Variants in ECE1 observed in about 807,000 individuals in gnomAD.
ECE1 encodes the protein endothelin converting enzyme 1.
ECE1 carries 35 observed loss-of-function variants against 98.6 expected under a neutral mutation model. The ratio of observed to expected loss-of-function variants is 0.35; its 90% CI spans 0.27 to 0.47. ECE1 has a LOEUF of 0.47. Among genes scored for constraint, ECE1 ranks in the 20% least tolerant of loss-of-function variants. The pLI is 1.00. For missense variants in ECE1, 814 were observed against 1,025.3 expected (o/e 0.79, Z 2.81); for synonymous variants, 394 against 407.1 (o/e 0.97, Z 0.39).
In ECE1 at chr1:21,327,196, G is replaced by C. The variant is rs1252785789; in HGVS notation, c.3+18180C>G. On this transcript the variant is annotated intron_variant, in intron 1 of 18. Coordinates refer to the ECE1 transcript ENST00000415912. This position sits in a 1 kb window ranked among gnomAD's most constrained non-coding sequence, Gnocchi z 4.6. ...GAGACTGGGAAGAGGGACTCTGCCAGAGCAGCTGCCAGGAATCTGGGGCCT... is the reference window on the plus strand; with the variant it reads ...GAGACTGGGAAGAGGGACTCTGCCACAGCAGCTGCCAGGAATCTGGGGCCT... Among the ~76,000 whole-genome samples the C allele has an allele frequency of 1.3e-5, 2 of 152,258 alleles. No individual in the cohort carries two copies. Among genetic ancestry groups the C allele is most frequent in the Non-Finnish European group, 2.9e-5 (2 of 68,046 alleles).
chr1:21,246,682 G>T (rs927352062), intron 9 of ECE1, among the ~76,000 whole-genome samples: 2 of 151,946 alleles, frequency 1.3e-5, no homozygotes, highest in Non-Finnish European at 2.9e-5. Flanking sequence ...TTTGAGACAG[G>T]GTTTTACTCT....
intron 2 of ECE1, among the ~76,000 whole-genome samples, chr1:21,287,584 C>A (rs1295481152): frequency 6.6e-6 from 1 of 152,142 alleles, no homozygotes; most frequent in Non-Finnish European, 1.5e-5. Flanking sequence ...TCGCTAGCAA[C>A]CGGCCCAAAG....
chr1:21,242,199 C>A (rs2098197330), intron 10 of ECE1, among the ~76,000 whole-genome samples: 1 of 152,158 alleles, frequency 6.6e-6, no homozygotes, highest in Non-Finnish European at 1.5e-5. Flanking sequence ...GGAGATTGAG[C>A]CCCTGCCCCA....
At chr1:21,245,247 G>A (rs933560558) in intron 9 of ECE1, 144 bp from the exon 10 acceptor site, 24 of 712,222 alleles carry the variant, frequency 3.4e-5, no homozygotes, top group Admixed American at 1.7e-4. Context: ...GTGGGTTACT[G>A]CTCCCTAAGC....
At position 21,322,902 on chromosome 1, in the gene ECE1, G is replaced by A. The variant is rs1038737087; in HGVS notation, c.3+22474C>T. Reference sequence around the variant, plus strand: ...GGTGAAAACCCCTCACTGGGGCTTTGGAGGGAGGGCAGGTCCCAGGGCTCA... The same window carrying A: ...GGTGAAAACCCCTCACTGGGGCTTTAGAGGGAGGGCAGGTCCCAGGGCTCA... On this transcript the variant is annotated intron_variant, in intron 1 of 18. Coordinates refer to the ECE1 transcript ENST00000415912. This position sits in a 1 kb window ranked among gnomAD's most constrained non-coding sequence, Gnocchi z 4.1. Among the ~76,000 whole-genome samples, 6 of 152,146 alleles carry A rather than the reference G, an allele frequency of 3.9e-5. No individual in the cohort carries two copies. Among genetic ancestry groups the A allele is most frequent in the African/African-American group, 1.4e-4 (6 of 41,422 alleles).
chr1:21,263,369 T>TA, intron 4 of ECE1, among the ~76,000 whole-genome samples: 1 of 151,606 alleles, frequency 6.6e-6, no homozygotes, highest in East Asian at 1.9e-4. Flanking sequence ...TTATTTTTTT[T>TA]TTTTTTGAGA....
At chr1:21,236,462 C>A (rs928687241) in intron 12 of ECE1, among the ~76,000 whole-genome samples, 1 of 152,242 alleles carries the variant, frequency 6.6e-6, no homozygotes, top group Admixed American at 6.5e-5. Context: ...CCAACCTGAC[C>A]CACATGGAGA....
chr1:21,304,448 C>T (rs1416478060), intron 1 of ECE1, among the ~76,000 whole-genome samples: 1 of 152,128 alleles, frequency 6.6e-6, no homozygotes, highest in Non-Finnish European at 1.5e-5. Flanking sequence ...CAGCCCACCC[C>T]AACCCCTTAT....
intron 3 of ECE1, 70 bp from the exon 4 acceptor site, chr1:21,272,981 G>T: frequency 6.4e-7 from 1 of 1,570,032 alleles, no homozygotes; most frequent in Non-Finnish European, 8.7e-7. Flanking sequence ...AGAGAAGGGG[G>T]CTTGGGGCCC....
Position 21,327,302 on chromosome 1 carries a change from C to T in ECE1, c.3+18074G>A, listed in dbSNP as rs1639099678. ...GCTCTAACGCTTGGACTGTGTGACT[C>T]CGGTGGCTCATGCAACCTTTCTGGG... On this transcript the variant is annotated intron_variant, in intron 1 of 18. Transcript: ENST00000415912. This position sits in a 1 kb window ranked among gnomAD's most constrained non-coding sequence, Gnocchi z 4.6. Among the ~76,000 whole-genome samples the T allele has an allele frequency of 6.6e-6, 1 of 152,226 alleles. No homozygotes were observed. Among genetic ancestry groups the T allele is most frequent in the South Asian group, 2.1e-4 (1 of 4,836 alleles).
intron 4 of ECE1, among the ~76,000 whole-genome samples, chr1:21,271,677 A>T (rs1389157672): frequency 2.0e-5 from 3 of 152,064 alleles, no homozygotes; most frequent in African/African-American, 7.2e-5. Flanking sequence ...CTGGGGGAGG[A>T]GCCCAGTGGG....
chr1:21,262,944 G>A (rs912368174), intron 4 of ECE1, among the ~76,000 whole-genome samples: 1 of 152,198 alleles, frequency 6.6e-6, no homozygotes, highest in Non-Finnish European at 1.5e-5. Context: ...GCCTGTCCAC[G>A]TGAGGCATGC....
intron 1 of ECE1, among the ~76,000 whole-genome samples, chr1:21,311,343 C>T (rs1163771880): frequency 2.0e-5 from 3 of 152,044 alleles, no homozygotes; most frequent in African/African-American, 4.8e-5. Flanking sequence ...GTGTCCCATG[C>T]ACCACCAACA....
intron 4 of ECE1, among the ~76,000 whole-genome samples, chr1:21,262,216 G>A (rs572754145): frequency 2.6e-5 from 4 of 152,264 alleles, no homozygotes; most frequent in South Asian, 2.1e-4. Flanking sequence ...GGGCCTGAAC[G>A]AGGGGCTATG....
upstream of ECE1, among the ~76,000 whole-genome samples, chr1:21,292,304 T>TCC (rs201112338): frequency 2.9e-5 from 4 of 139,062 alleles, no homozygotes; most frequent in Admixed American, 7.0e-5. Context: ...CAGCGCCCCC[T>TCC]CCCCCACCAA....
At chr1:21,244,962 T>C in intron 10 of ECE1, 27 bp downstream of exon 10, 1 of 1,601,856 alleles carries the variant, frequency 6.2e-7, no homozygotes, top group Non-Finnish European at 8.6e-7. Context: ...TCAGCCCATA[T>C]TCAGGCATAC....
At position 21,258,819 on chromosome 1, in the gene ECE1, T is replaced by C. The variant is rs746302410; in HGVS notation, c.636A>G (p.Thr212=). ...GGAAGTTGTCCTTGGCCCAGGGACC[T>C]GTGATGTTCCAGCCCCCGAGCTGTG... The part of the protein sequence containing the change: ...LIERLGGWNI[T]GPWAKDNFQD... Residue 212 remains threonine (T), a synonymous_variant, in exon 6 of 19, where the codon ACA becomes ACG. Coordinates refer to ENST00000374893, the MANE Select transcript of ECE1 (RefSeq NM_001397.3). This position sits in a 1 kb window ranked among gnomAD's most constrained non-coding sequence, Gnocchi z 4.2. The C allele has an allele frequency of 6.2e-7, 1 of 1,614,104 alleles. No homozygotes were observed. The highest frequency in any genetic ancestry group is 8.5e-7 in the Non-Finnish European group (1 of 1,180,008).
chr1:21,283,416 G>C (rs1223990967), intron 2 of ECE1, among the ~76,000 whole-genome samples: 1 of 152,038 alleles, frequency 6.6e-6, no homozygotes, highest in East Asian at 1.9e-4. Context: ...GATTACAGGT[G>C]TCCGCCACCA....
In ECE1 at chr1:21,290,007, G is replaced by T; in HGVS notation, c.138+63C>A. On this transcript the variant is annotated intron_variant, in intron 2 of 18. Coordinates refer to ENST00000374893, the MANE Select transcript of ECE1 (RefSeq NM_001397.3). The surrounding 1 kb of genome is among the most constrained non-coding windows in gnomAD (Gnocchi z 7.3). ...GTAGGTAGGGGCGGGGGGCGCGGCAGCGGCAGCGCGCATGCCCGGGCCCGG... is the reference window on the plus strand; with the variant it reads ...GTAGGTAGGGGCGGGGGGCGCGGCATCGGCAGCGCGCATGCCCGGGCCCGG... The T allele has an allele frequency of 8.0e-7, 1 of 1,249,186 alleles. No homozygotes were observed. The highest frequency in any genetic ancestry group is 1.0e-6 in the Non-Finnish European group (1 of 988,768). 77.4% of individuals were successfully genotyped at this position (1,249,186 alleles called of 1,614,324 possible).
Sources: gnomAD v4.1 joint callset for allele counts (sites outside exome capture counted in the v4.1 genomes callset) on GRCh38, gnomAD v4.1.1 for gene constraint, Gnocchi (gnomAD v3.1) non-coding constraint, MANE v1.5 for transcripts, NCBI Gene and HGNC (gene_info 2026-07-23, HGNC 2026-07-21) for gene names.